Variants in PKHD1 observed in about 807,000 individuals in gnomAD.
The protein encoded by PKHD1 is fibrocystin.
PKHD1 carries 291 observed loss-of-function variants against 412.0 expected under a neutral mutation model. The observed-to-expected ratio is 0.71, with a 90% CI of 0.64 to 0.78. PKHD1 has a LOEUF of 0.78. PKHD1 is among the 30% of genes least tolerant of loss of function. PKHD1 has a pLI of 0.00. For synonymous variants in PKHD1, 1,777 were observed against 1,821.5 expected, an observed-to-expected ratio of 0.98 and a Z score of 0.62; for missense variants, 4,825 against 4,950.7, an observed-to-expected ratio of 0.97 and a Z score of 0.76.
At chr6:51,992,307 T>A (rs563178496) in intron 35 of PKHD1, among the ~76,000 whole-genome samples, 1 of 152,244 alleles carries the variant, frequency 6.6e-6, no homozygotes, top group Non-Finnish European at 1.5e-5. Context: ...ATAGCAAGTA[T>A]TGAATACCCT....
At chr6:51,762,857 T>C (rs1788272242) in intron 55 of PKHD1, among the ~76,000 whole-genome samples, 1 of 152,076 alleles carries the variant, frequency 6.6e-6, no homozygotes, top group Non-Finnish European at 1.5e-5. Context: ...TTGCCAGATT[T>C]GCTAATGTTC....
intron 60 of PKHD1, among the ~76,000 whole-genome samples, chr6:51,686,394 C>T (rs1029769603): frequency 1.3e-5 from 2 of 152,186 alleles, no homozygotes; most frequent in African/African-American, 4.8e-5. Context: ...TCCTCACACA[C>T]TGCAGGCACT....
intron 61 of PKHD1, among the ~76,000 whole-genome samples, chr6:51,654,915 C>T (rs1055457041): frequency 3.3e-5 from 5 of 151,772 alleles, no homozygotes; most frequent in South Asian, 2.1e-4. Context: ...CTTTTTTTAA[C>T]GATTAAGAGT....
intron 37 of PKHD1, among the ~76,000 whole-genome samples, chr6:51,932,702 C>T (rs1039855779): frequency 6.6e-6 from 1 of 152,178 alleles, no homozygotes; most frequent in Non-Finnish European, 1.5e-5. Context: ...ATAGAATCAA[C>T]ATAGCAAGCA....
chr6:51,979,636 A>G (rs1301543159), intron 35 of PKHD1, among the ~76,000 whole-genome samples: 1 of 152,018 alleles, frequency 6.6e-6, no homozygotes, highest in Non-Finnish European at 1.5e-5. Flanking sequence ...TAGAATACAC[A>G]GAGTGTAGAG....
At chr6:51,972,227 C>T (rs1793776022) in intron 35 of PKHD1, among the ~76,000 whole-genome samples, 1 of 152,092 alleles carries the variant, frequency 6.6e-6, no homozygotes, top group Non-Finnish European at 1.5e-5. Context: ...AGCTCAGGAA[C>T]AAGAAAAACT....
chr6:51,838,986 G>T (rs1467562435), intron 50 of PKHD1, among the ~76,000 whole-genome samples: 1 of 152,200 alleles, frequency 6.6e-6, no homozygotes, highest in Non-Finnish European at 1.5e-5. Context: ...ATTATGGCAT[G>T]TTCATGATTC....
intron 60 of PKHD1, among the ~76,000 whole-genome samples, chr6:51,711,580 A>G (rs1780666378): frequency 6.6e-6 from 1 of 152,218 alleles, no homozygotes; most frequent in Non-Finnish European, 1.5e-5. Flanking sequence ...CATGTTGAGA[A>G]TATTTGTCTA....
At chr6:52,021,834 T>C (rs1801442670) in intron 33 of PKHD1, among the ~76,000 whole-genome samples, 1 of 152,168 alleles carries the variant, frequency 6.6e-6, no homozygotes, top group African/African-American at 2.4e-5. Context: ...AATAGCATTA[T>C]CCATCATTAA....
chr6:51,822,292 T>C (rs926738773), intron 52 of PKHD1, among the ~76,000 whole-genome samples: 3 of 152,172 alleles, frequency 2.0e-5, no homozygotes, highest in Non-Finnish European at 4.4e-5. Context: ...TTGCATTTAA[T>C]TAGTGGGAGC....
At chr6:51,768,042 T>C (rs1789427548) in intron 55 of PKHD1, among the ~76,000 whole-genome samples, 1 of 152,150 alleles carries the variant, frequency 6.6e-6, no homozygotes, top group Non-Finnish European at 1.5e-5. Flanking sequence ...CATTGTGGTT[T>C]TGATTTGCAT....
At position 51,670,418 on chromosome 6, in the gene PKHD1, T is replaced by C. The variant is rs548592055; in HGVS notation, c.10157-10449A>G. ...TTGCTTGGTAGATCTTCCTCCATCC[T>C]TTTATTTTGAGCCTATGTGTGTCTC... On this transcript the variant is annotated intron_variant, in intron 60 of 66. Transcript: ENST00000371117. Among the ~76,000 whole-genome samples, 29 of 151,738 alleles carry C rather than the reference T, an allele frequency of 1.9e-4. No individual in the cohort carries two copies. The South Asian group carries it at 5.6e-3, about 29-fold the overall frequency.
At chr6:51,799,732 C>G (rs1028104992) in intron 52 of PKHD1, among the ~76,000 whole-genome samples, 1 of 152,182 alleles carries the variant, frequency 6.6e-6, no homozygotes, top group African/African-American at 2.4e-5. Flanking sequence ...ATGACACTTG[C>G]AGAGGATTTC....
In PKHD1 at chr6:52,071,075, G is replaced by A; in HGVS notation, c.603-5C>T. ...TGGTCCTCCTGAATAGGATAACTAA[G>A]GAAAAGACAAACTGAGGTAAGAATG... On this transcript the variant is annotated splice_region_variant and splice_polypyrimidine_tract_variant and intron_variant, in intron 8 of 66. Coordinates refer to ENST00000371117, the MANE Select transcript of PKHD1 (RefSeq NM_138694.4). 2 of 1,588,044 alleles carry A rather than the reference G, an allele frequency of 1.3e-6. No homozygotes were observed. Among genetic ancestry groups the A allele is most frequent in the Non-Finnish European group, 1.7e-6 (2 of 1,156,586 alleles).
rs575994641 is a variant in PKHD1 at position 51,658,363 on chromosome 6, T to C, written c.11174+589A>G. ...CACTAGCTAAACTTTCACTTGGATA[T>C]GTTGCTCTGTGTACAAAAAGACAAT... is the stretch of plus-strand genomic sequence containing the variant. On this transcript the variant is annotated intron_variant, in intron 61 of 66. Transcript: ENST00000371117. Among the ~76,000 whole-genome samples, 23 of 152,256 alleles carry C rather than the reference T, an allele frequency of 1.5e-4. No individual in the cohort carries two copies. The South Asian group carries it at 4.6e-3, about 30-fold the overall frequency.
intron 21 of PKHD1, among the ~76,000 whole-genome samples, chr6:52,051,947 T>A (rs963348347): frequency 6.6e-6 from 1 of 152,150 alleles, no homozygotes; most frequent in Non-Finnish European, 1.5e-5. Flanking sequence ...ATGACCCAGA[T>A]GTCCCCAAAA....
rs752841263 is a variant in PKHD1, at chr6:51,744,391, T to C, written c.10150A>G (p.Asn3384Asp). 13 of 1,613,764 alleles carry C rather than the reference T, an allele frequency of 8.1e-6. No homozygotes were observed. The highest frequency in any genetic ancestry group is 1.0e-5 in the Non-Finnish European group (12 of 1,179,800). The change falls in exon 60 of 67, where the codon AAC becomes GAC. Residue 3384 changes from asparagine to aspartate, a missense_variant. Asn to Asp is a conservative substitution (Grantham distance 23, BLOSUM62 1). Coordinates refer to ENST00000371117, the MANE Select transcript of PKHD1 (RefSeq NM_138694.4). ...GCATTCAGATATAGCTTACCTGCGT[T>C]GAAGAAGGATGCAGTCCATTCTGCC... is the stretch of plus-strand genomic sequence containing the variant. Reference protein sequence around the residue: ...TEAEWTASFFNAGTFREEQKC... With the variant: ...TEAEWTASFFDAGTFREEQKC...
chr6:51,755,039 C>T, intron 55 of PKHD1, 101 bp from the exon 56 acceptor site: 2 of 979,448 alleles, frequency 2.0e-6, no homozygotes, highest in East Asian at 2.4e-5. Context: ...ACCAACATAT[C>T]CCACCAGAGA....
Position 51,632,708 on chromosome 6 carries a change from G to C in PKHD1, c.11522C>G (p.Ala3841Gly). The C allele has an allele frequency of 6.2e-7, 1 of 1,613,284 alleles. No individual in the cohort carries two copies. The highest frequency in any genetic ancestry group is 8.5e-7 in the Non-Finnish European group (1 of 1,179,460). ...VTSPPGVNFT[A>G]RSKPFAVLPV... Reference sequence around the variant, plus strand: ...CAAGACAGCAAATGGCTTGGATCGAGCTGTAAAATTGACTCCTGTGGCGGG... The same window carrying C: ...CAAGACAGCAAATGGCTTGGATCGACCTGTAAAATTGACTCCTGTGGCGGG... Residue 3841 changes from alanine to glycine, a missense_variant, in exon 65 of 67, where the codon GCT (alanine) becomes GGT (glycine). Ala to Gly is a moderately conservative substitution (Grantham distance 60). Transcript: ENST00000371117.
Sources: allele counts gnomAD v4.1 joint callset (sites outside exome capture counted in the v4.1 genomes callset), GRCh38; gene constraint gnomAD v4.1.1; transcripts MANE v1.5; gene names NCBI Gene and HGNC (gene_info 2026-07-23, HGNC 2026-07-21).